SASH1: variants seen among roughly 807,000 people sequenced by gnomAD.
SASH1 encodes SAM and SH3 domain containing 1.
In SASH1, 44 loss-of-function variants were observed where a neutral mutation model predicts 125.2. That is an observed-to-expected ratio of 0.35 (90% CI 0.28 to 0.45). SASH1 has a LOEUF of 0.45. Among genes scored for constraint, SASH1 ranks in the 20% least tolerant of loss-of-function variants. The probability of loss-of-function intolerance (pLI) is 1.00; values close to 1 mark genes in which losing one functional copy is unlikely to be tolerated. For missense variants in SASH1, 1,426 were observed against 1,614.5 expected (o/e 0.88, Z 2.00); for synonymous variants, 639 against 649.1 (o/e 0.98, Z 0.24).
At chr6:148,299,387 T>TC (rs200687986) in intron 1 of SASH1, among the ~76,000 whole-genome samples, 10,497 of 151,840 alleles carry the variant, frequency 0.069, 426 homozygotes, top group African/African-American at 0.12. Context: ...AAGACTGTCG[T>TC]TGGGTGCGGT....
At chr6:148,461,242 G>C (rs1372872698) in intron 4 of SASH1, among the ~76,000 whole-genome samples, 1 of 152,124 alleles carries the variant, frequency 6.6e-6, no homozygotes, top group Non-Finnish European at 1.5e-5. Flanking sequence ...TGTGTGCTGG[G>C]TCAGGCCATT....
At chr6:148,272,299 G>C (rs1236083547), upstream of SASH1, 1 of 467,992 alleles carries the variant, frequency 2.1e-6, no homozygotes, top group Non-Finnish European at 4.4e-6. Context: ...AGATTCATGC[G>C]ATCTGAGTCA....
chr6:148,421,203 AAGAAAG>A (rs1273722225), intron 2 of SASH1, among the ~76,000 whole-genome samples: 1 of 141,300 alleles, frequency 7.1e-6, no homozygotes, highest in East Asian at 2.2e-4. Context: ...GAAAGAAAGA[AAGAAAG>A]AAAGAAAAAG....
chr6:148,220,124 C>T, the SASH1 span, among the ~76,000 whole-genome samples: 1 of 152,172 alleles, frequency 6.6e-6, no homozygotes, highest in African/African-American at 2.4e-5. Flanking sequence ...CAAAATACCA[C>T]AGACTCAGTA....
intron 1 of SASH1, among the ~76,000 whole-genome samples, chr6:148,279,012 A>G (rs1413349476): frequency 2.0e-5 from 3 of 151,612 alleles, no homozygotes; most frequent in Admixed American, 6.6e-5. Context: ...TTTTTAATAG[A>G]GGCAGAGTCT....
intron 1 of SASH1, among the ~76,000 whole-genome samples, chr6:148,334,125 T>C (rs1429529180): frequency 8.9e-6 from 1 of 112,046 alleles, no homozygotes; most frequent in East Asian, 2.8e-4. Flanking sequence ...AATAAAATAT[T>C]TTAAGAGATA....
chr6:148,286,726 A>C (rs1274020939), intron 1 of SASH1, among the ~76,000 whole-genome samples: 1 of 152,128 alleles, frequency 6.6e-6, no homozygotes, highest in Non-Finnish European at 1.5e-5. Flanking sequence ...GACTCATTTT[A>C]ACTTAATTAC....
At chr6:148,252,879 A>G in the SASH1 span, among the ~76,000 whole-genome samples, 2 of 152,148 alleles carry the variant, frequency 1.3e-5, no homozygotes, top group Non-Finnish European at 2.9e-5. Flanking sequence ...TTAGAATTTC[A>G]TCTCCTCCCT....
upstream of SASH1, among the ~76,000 whole-genome samples, chr6:148,267,892 A>G (rs1364487227): frequency 6.6e-6 from 1 of 152,208 alleles, no homozygotes; most frequent in Non-Finnish European, 1.5e-5. Context: ...ATGAGAAACA[A>G]TGTGTTGAAT....
chr6:148,230,028 A>C, the SASH1 span, among the ~76,000 whole-genome samples: 1 of 152,078 alleles, frequency 6.6e-6, no homozygotes, highest in South Asian at 2.1e-4. Context: ...TTTATCATCT[A>C]TAAAAAAGAC....
At chr6:148,266,129 C>T in the SASH1 span, among the ~76,000 whole-genome samples, 8 of 152,056 alleles carry the variant, frequency 5.3e-5, no homozygotes, top group African/African-American at 1.7e-4. Context: ...CCCACCACCA[C>T]GCCCAGCTAA....
At chr6:148,317,755 C>A (rs1388433637) in intron 1 of SASH1, among the ~76,000 whole-genome samples, 2 of 150,964 alleles carry the variant, frequency 1.3e-5, no homozygotes, top group Non-Finnish European at 2.9e-5. Flanking sequence ...GGACTCCCAA[C>A]ATCTTGCTTT....
At chr6:148,213,894 G>T in the SASH1 span, among the ~76,000 whole-genome samples, 1 of 152,072 alleles carries the variant, frequency 6.6e-6, no homozygotes, top group Non-Finnish European at 1.5e-5. Flanking sequence ...ATTTACTAGG[G>T]TTCTAAGCCA....
At chr6:148,198,131 T>C in the SASH1 span, among the ~76,000 whole-genome samples, 14 of 152,286 alleles carry the variant, frequency 9.2e-5, no homozygotes, top group African/African-American at 2.9e-4. Context: ...ATCACAGGCA[T>C]GAGCTGCCGT....
chr6:148,424,038 C>T (rs1040250567), intron 2 of SASH1, among the ~76,000 whole-genome samples: 10 of 151,044 alleles, frequency 6.6e-5, no homozygotes, highest in Non-Finnish European at 2.9e-5. Context: ...CCATCCCAGA[C>T]AGCAGACAGT....
At chr6:148,352,824 C>T (rs1276289817) in intron 1 of SASH1, among the ~76,000 whole-genome samples, 1 of 151,526 alleles carries the variant, frequency 6.6e-6, no homozygotes, top group East Asian at 1.9e-4. Context: ...CAAAAATTAG[C>T]CAGGTGTGGT....
At chr6:148,379,791 C>G (rs527766044) in intron 1 of SASH1, 45 of 391,532 alleles carry the variant, frequency 1.1e-4, no homozygotes, top group South Asian at 8.1e-4. Context: ...AATAAGTCAC[C>G]TTTTAAAAAC....
rs1201038379 is a variant in SASH1 at position 148,525,304 on chromosome 6, T to C, written c.1223T>C (p.Phe408Ser). 2 of 1,613,966 alleles carry C rather than the reference T, an allele frequency of 1.2e-6. No homozygotes were observed. The highest frequency in any genetic ancestry group is 1.1e-5 in the South Asian group (1 of 91,076). The change falls in exon 11 of 20, where the codon TTT becomes TCT. Residue 408 changes from phenylalanine to serine, a missense_variant. By Grantham distance (155) the Phe-to-Ser change is radical. Coordinates refer to ENST00000367467, the MANE Select transcript of SASH1 (RefSeq NM_015278.5). ...GSLSHGRTCS[F>S]GGFDLTNRSL... The stretch of plus-strand genomic sequence containing the variant: ...TCTTTTCCACAGAGAACCTGCAGTT[T>C]TGGAGGATTTGACTTGACGAATCGC...
chr6:148,345,485 CTT>C (rs972114448), intron 1 of SASH1, among the ~76,000 whole-genome samples: 3 of 152,168 alleles, frequency 2.0e-5, no homozygotes, highest in African/African-American at 4.8e-5. Flanking sequence ...ATGTTTTCCT[CTT>C]GTTTATCTGG....
Sources: allele counts gnomAD v4.1 joint callset (sites outside exome capture counted in the v4.1 genomes callset), GRCh38; gene constraint gnomAD v4.1.1; transcripts MANE v1.5; gene names NCBI Gene and HGNC (gene_info 2026-07-23, HGNC 2026-07-21).